PDS5B: variants seen among roughly 807,000 people sequenced by gnomAD.
PDS5B encodes the protein sister chromatid cohesion protein PDS5 homolog B.
Under a neutral mutation model 184.1 loss-of-function variants are expected in PDS5B, and 51 were observed. The ratio of observed to expected loss-of-function variants is 0.28; its 90% confidence interval spans 0.22 to 0.35. The LOEUF (loss-of-function observed/expected upper bound fraction) is 0.35. Ranked by LOEUF, PDS5B falls within the 10% of genes least tolerant of loss-of-function variation. The pLI is 1.00. For missense variants in PDS5B, 1,180 were observed against 1,723.3 expected (o/e 0.68, Z 5.58); for synonymous variants, 566 against 569.2 (o/e 0.99, Z 0.08).
chr13:32,618,535 A>G (rs1465546975), intron 1 of PDS5B, among the ~76,000 whole-genome samples: 2 of 151,926 alleles, frequency 1.3e-5, no homozygotes. Flanking sequence ...AAATGTGTAT[A>G]TAGGGTTCAG....
intron 19 of PDS5B, among the ~76,000 whole-genome samples, chr13:32,721,701 C>T (rs1188788594): frequency 6.6e-6 from 1 of 150,578 alleles, no homozygotes; most frequent in Non-Finnish European, 1.5e-5. Flanking sequence ...GGCAGAGACG[C>T]TCCTCAATTC....
intron 1 of PDS5B, among the ~76,000 whole-genome samples, chr13:32,607,761 C>T (rs942130650): frequency 2.6e-5 from 4 of 152,314 alleles, no homozygotes; most frequent in East Asian, 1.9e-4. Flanking sequence ...TCAGCAATGG[C>T]GAATGCCCCT....
intron 1 of PDS5B, among the ~76,000 whole-genome samples, chr13:32,623,175 T>C (rs2140542187): frequency 6.6e-6 from 1 of 152,292 alleles, no homozygotes; most frequent in Middle Eastern, 3.4e-3. Flanking sequence ...GTGGCATCAG[T>C]TGGTAGAACA....
intron 19 of PDS5B, among the ~76,000 whole-genome samples, chr13:32,729,737 A>G (rs1046276081): frequency 1.3e-5 from 2 of 152,184 alleles, no homozygotes; most frequent in African/African-American, 4.8e-5. Context: ...TGGCCATATA[A>G]ATGTCTTCTT....
intron 33 of PDS5B, among the ~76,000 whole-genome samples, chr13:32,771,296 C>T (rs2141040873): frequency 6.6e-6 from 1 of 152,214 alleles, no homozygotes; most frequent in Admixed American, 6.5e-5. Flanking sequence ...CATTTATCTA[C>T]ATCAACATGT....
chr13:32,742,829 G>A (rs1287392817), intron 23 of PDS5B, 102 bp downstream of exon 23: 7 of 1,059,334 alleles, frequency 6.6e-6, no homozygotes, highest in African/African-American at 1.6e-5. Context: ...TTTTAAATTA[G>A]AATTGCTTTG....
intron 1 of PDS5B, among the ~76,000 whole-genome samples, chr13:32,646,747 A>G (rs1427652178): frequency 6.6e-6 from 1 of 152,172 alleles, no homozygotes; most frequent in Non-Finnish European, 1.5e-5. Flanking sequence ...ATACACATAT[A>G]GTACTTAGTA....
chr13:32,721,732 G>A (rs1472299186), intron 19 of PDS5B, among the ~76,000 whole-genome samples: 3 of 151,852 alleles, frequency 2.0e-5, no homozygotes, highest in Admixed American at 2.0e-4. Context: ...TGACGGCCGG[G>A]AAGAGGCGCT....
chr13:32,772,364 G>C (rs1422139719), intron 33 of PDS5B, among the ~76,000 whole-genome samples: 1 of 152,160 alleles, frequency 6.6e-6, no homozygotes, highest in Non-Finnish European at 1.5e-5. Context: ...CGTGGTACTT[G>C]TTTTCATGGG....
At chr13:32,773,875 C>A (rs1002710234) in intron 34 of PDS5B, among the ~76,000 whole-genome samples, 4 of 152,132 alleles carry the variant, frequency 2.6e-5, no homozygotes, top group African/African-American at 9.7e-5. Context: ...ACGATCTGGG[C>A]TCAGTGCAAC....
At chr13:32,676,148 G>A (rs1476903380) in intron 9 of PDS5B, among the ~76,000 whole-genome samples, 189 bp downstream of exon 9, 1 of 152,172 alleles carries the variant, frequency 6.6e-6, no homozygotes, top group Middle Eastern at 3.4e-3. Context: ...TTTATCCTCA[G>A]TAATTTTTAA....
intron 1 of PDS5B, among the ~76,000 whole-genome samples, chr13:32,590,829 G>A (rs1310001179): frequency 1.3e-5 from 2 of 151,968 alleles, no homozygotes; most frequent in Non-Finnish European, 2.9e-5. Context: ...GGTGAGAGTT[G>A]CAGGGGCAAG....
chr13:32,726,175 C>T (rs535555790), intron 19 of PDS5B, among the ~76,000 whole-genome samples: 29 of 148,786 alleles, frequency 1.9e-4, no homozygotes, highest in African/African-American at 4.7e-4. Context: ...AGCCCCCTTC[C>T]GTGCACATAC....
intron 31 of PDS5B, among the ~76,000 whole-genome samples, chr13:32,768,224 G>A (rs1362003058): frequency 6.6e-6 from 1 of 152,208 alleles, no homozygotes; most frequent in Non-Finnish European, 1.5e-5. Flanking sequence ...TTTGGTTCCT[G>A]ATGAGGGCTG....
rs1593440334 is a variant in PDS5B, at chr13:32,692,414, C to CTTTTTTTTTTTTTTT, written c.1470-1809_1470-1808insTTTTTTTTTTTTTTT. 2.4e-3 allele frequency among the ~76,000 whole-genome samples: 168 copies of CTTTTTTTTTTTTTTT among 69,152 alleles called. 77 individuals are homozygous for CTTTTTTTTTTTTTTT. Among genetic ancestry groups the CTTTTTTTTTTTTTTT allele is most frequent in the Admixed American group, 3.7e-3 (19 of 5,080 alleles). The allele number at this position is 69,152 out of a possible 152,430, so 45.4% of individuals were successfully genotyped here. ...ATTAAACAAGTTTGCGTCCAAAAAGCCTTTTTTTTTTTTTTTTTTTTTTTT... is the reference window on the plus strand; with the variant it reads ...ATTAAACAAGTTTGCGTCCAAAAAGCTTTTTTTTTTTTTTTCTTTTTTTTTTTTTTTTTTTTTTTT... On this transcript the variant is annotated intron_variant, in intron 13 of 34. Transcript: ENST00000315596.
intron 11 of PDS5B, 100 bp from the exon 12 acceptor site, chr13:32,687,034 G>A (rs1951415866): frequency 2.3e-6 from 2 of 852,714 alleles, no homozygotes; most frequent in South Asian, 3.3e-5. Flanking sequence ...TTAAAAAAAT[G>A]TATAAAGGGA....
intron 14 of PDS5B, among the ~76,000 whole-genome samples, chr13:32,695,920 A>G (rs761207675): frequency 2.6e-5 from 4 of 152,212 alleles, no homozygotes; most frequent in Non-Finnish European, 5.9e-5. Context: ...TATCCACAGT[A>G]AAGATGGAGT....
intron 1 of PDS5B, among the ~76,000 whole-genome samples, chr13:32,588,278 A>G (rs115190454): frequency 2.0e-3 from 311 of 152,348 alleles, no homozygotes; most frequent in African/African-American, 7.3e-3. Flanking sequence ...TGTAGGTGAA[A>G]ATTACATGGG....
chr13:32,630,054 G>A (rs544089338), intron 1 of PDS5B, among the ~76,000 whole-genome samples: 2 of 152,298 alleles, frequency 1.3e-5, no homozygotes, highest in East Asian at 3.9e-4. Context: ...GCTCAAATTT[G>A]GAGTTTCCAG....
Sources: allele counts gnomAD v4.1 joint callset (sites outside exome capture counted in the v4.1 genomes callset), GRCh38; gene constraint gnomAD v4.1.1; transcripts MANE v1.5; gene names NCBI Gene and HGNC (gene_info 2026-07-23, HGNC 2026-07-21).